The following PTPRT variants were observed in gnomAD, a reference collection of about 807,000 sequenced individuals.
The protein encoded by PTPRT is protein tyrosine phosphatase receptor type T.
A neutral mutation model predicts 176.8 loss-of-function variants in PTPRT; 56 were observed. That is an observed-to-expected ratio of 0.32 (90% CI 0.26 to 0.40). The LOEUF is 0.40. Among genes scored for constraint, PTPRT ranks in the 10% least tolerant of loss-of-function variants. PTPRT has a pLI of 1.00. For missense variants in PTPRT, 1,540 were observed against 1,908.2 expected (o/e 0.81, Z 3.60); for synonymous variants, 783 against 739.0 (o/e 1.06, Z -0.96).
Position 42,550,118 on chromosome 20 carries a change from C to T in PTPRT, c.1154-77556G>A, listed in dbSNP as rs573146605. On this transcript the variant is annotated intron_variant, in intron 7 of 30. Coordinates refer to ENST00000373187, the MANE Select transcript of PTPRT (RefSeq NM_007050.6). ...AATAGCTATCGCTTTGTCTTCTGTACGCCCCTTGCTTTTGTGAATTGTCAC... is the reference window on the plus strand; with the variant it reads ...AATAGCTATCGCTTTGTCTTCTGTATGCCCCTTGCTTTTGTGAATTGTCAC... 2.2e-4 allele frequency among the ~76,000 whole-genome samples: 34 copies of T among 152,194 alleles called. 1 individual carries two copies. Among genetic ancestry groups the T allele is most frequent in the Non-Finnish European group, 4.3e-4 (29 of 68,002 alleles).
intron 1 of PTPRT, among the ~76,000 whole-genome samples, chr20:43,136,954 C>T (rs2013851698): frequency 6.6e-6 from 1 of 152,154 alleles, no homozygotes; most frequent in Non-Finnish European, 1.5e-5. Context: ...TTTGCTGCTA[C>T]TTCCAGACAT....
At chr20:42,387,831 G>A (rs866396975) in intron 9 of PTPRT, among the ~76,000 whole-genome samples, 24 of 145,034 alleles carry the variant, frequency 1.7e-4, no homozygotes, top group African/African-American at 4.4e-4. Flanking sequence ...TCGCCCTGTC[G>A]CCCAGACTGC....
At chr20:42,301,077 G>A (rs1417402660) in intron 12 of PTPRT, among the ~76,000 whole-genome samples, 1 of 152,072 alleles carries the variant, frequency 6.6e-6, no homozygotes, top group Non-Finnish European at 1.5e-5. Context: ...GTTTGAAGAA[G>A]ATTTTACATA....
At chr20:42,297,662 G>A (rs187210134) in intron 12 of PTPRT, among the ~76,000 whole-genome samples, 14 of 152,226 alleles carry the variant, frequency 9.2e-5, no homozygotes, top group South Asian at 2.1e-4. Context: ...GGGCTGCTGC[G>A]TAAATAGCCA....
At chr20:42,437,511 G>A (rs541180703) in intron 9 of PTPRT, among the ~76,000 whole-genome samples, 2 of 152,166 alleles carry the variant, frequency 1.3e-5, no homozygotes, top group Non-Finnish European at 2.9e-5. Context: ...AGAAAGCAGT[G>A]AATTTTCTTT....
intron 1 of PTPRT, among the ~76,000 whole-genome samples, chr20:43,111,623 T>C (rs1309315534): frequency 6.8e-6 from 1 of 147,792 alleles, no homozygotes; most frequent in Non-Finnish European, 1.5e-5. Context: ...TCTAAGGCTC[T>C]GGGTTCTAGG....
chr20:43,036,532 A>AG (rs1191881972), intron 1 of PTPRT, among the ~76,000 whole-genome samples: 1 of 88,418 alleles, frequency 1.1e-5, no homozygotes, highest in Admixed American at 1.5e-4. Context: ...AGAAGAGAAG[A>AG]AAGAAAGAGA....
At chr20:42,501,406 C>T (rs537580431) in intron 7 of PTPRT, among the ~76,000 whole-genome samples, 6 of 152,044 alleles carry the variant, frequency 3.9e-5, no homozygotes, top group Admixed American at 1.3e-4. Context: ...CTATCATGAA[C>T]GCTACACATA....
At chr20:42,453,801 GC>G (rs985784904) in intron 8 of PTPRT, among the ~76,000 whole-genome samples, 4 of 150,058 alleles carry the variant, frequency 2.7e-5, no homozygotes, top group Admixed American at 2.0e-4. Context: ...CTCCCAAGTA[GC>G]TGGGATTACA....
intron 15 of PTPRT, among the ~76,000 whole-genome samples, chr20:42,229,239 G>T (rs1166324218): frequency 6.6e-6 from 1 of 152,210 alleles, no homozygotes; most frequent in African/African-American, 2.4e-5. Flanking sequence ...AGACTGAGCA[G>T]ATCTGGGGGG....
intron 16 of PTPRT, among the ~76,000 whole-genome samples, chr20:42,198,765 T>A (rs1402337674): frequency 1.3e-5 from 2 of 152,182 alleles, no homozygotes; most frequent in Admixed American, 6.5e-5. Flanking sequence ...TCATCAGCCA[T>A]TGTATTTTAG....
At chr20:42,722,953 C>T (rs934251563) in intron 6 of PTPRT, among the ~76,000 whole-genome samples, 2 of 152,256 alleles carry the variant, frequency 1.3e-5, no homozygotes, top group South Asian at 2.1e-4. Flanking sequence ...GGATGGAAAG[C>T]ATGCCTGCCA....
intron 29 of PTPRT, among the ~76,000 whole-genome samples, chr20:42,084,053 G>T (rs1338451508): frequency 6.6e-6 from 1 of 152,210 alleles, no homozygotes; most frequent in Non-Finnish European, 1.5e-5. Context: ...GCACTATAAG[G>T]TCTGAAGATT....
chr20:42,125,541 G>A (rs1039012371), intron 19 of PTPRT, among the ~76,000 whole-genome samples: 6 of 152,196 alleles, frequency 3.9e-5, no homozygotes, highest in Middle Eastern at 3.2e-3. Context: ...GAAGAAGGTC[G>A]TGGTGTGTCC....
At chr20:42,573,831 C>A (rs1211441392) in intron 7 of PTPRT, among the ~76,000 whole-genome samples, 1 of 147,190 alleles carries the variant, frequency 6.8e-6, no homozygotes, top group East Asian at 2.1e-4. Context: ...TCACTGCATG[C>A]TCCGCCCCTC....
At chr20:43,160,533 A>T (rs1342774125) in intron 1 of PTPRT, among the ~76,000 whole-genome samples, 1 of 152,174 alleles carries the variant, frequency 6.6e-6, no homozygotes, top group Non-Finnish European at 1.5e-5. Context: ...CAACACAAAC[A>T]TGATCATCTC....
chr20:42,511,211 T>G (rs1568939383), intron 7 of PTPRT, among the ~76,000 whole-genome samples: 2 of 152,212 alleles, frequency 1.3e-5, no homozygotes, highest in Non-Finnish European at 2.9e-5. Context: ...TCTCTGGAAC[T>G]GTGAGAAATC....
intron 9 of PTPRT, among the ~76,000 whole-genome samples, chr20:42,356,926 C>A (rs79159352): frequency 0.069 from 10,555 of 152,150 alleles, 611 homozygotes; most frequent in African/African-American, 0.16. Flanking sequence ...TGGGCCCCGT[C>A]TTCCTTCCCA....
intron 1 of PTPRT, among the ~76,000 whole-genome samples, chr20:43,082,984 T>C (rs2146290363): frequency 6.6e-6 from 1 of 152,146 alleles, no homozygotes; most frequent in East Asian, 1.9e-4. Context: ...TTTCCCCATA[T>C]AGTCAGATTT....
Sources: allele counts gnomAD v4.1 joint callset (sites outside exome capture counted in the v4.1 genomes callset), GRCh38; gene constraint gnomAD v4.1.1; transcripts MANE v1.5; gene names NCBI Gene and HGNC (gene_info 2026-07-23, HGNC 2026-07-21).